RBMS3: variants seen among roughly 807,000 people sequenced by gnomAD.
RBMS3 encodes RNA-binding motif, single-stranded-interacting protein 3.
Under a neutral mutation model 66.8 loss-of-function variants are expected in RBMS3, and 27 were observed. The observed-to-expected ratio is 0.40, with a 90% CI of 0.30 to 0.56. The LOEUF (loss-of-function observed/expected upper bound fraction) is 0.56. Ranked by LOEUF, RBMS3 falls within the 20% of genes least tolerant of loss-of-function variation. The pLI is 0.40. For synonymous variants in RBMS3, 188 were observed against 183.0 expected (o/e 1.03, Z -0.22); for missense variants, 513 against 549.5 (o/e 0.93, Z 0.66).
intron 10 of RBMS3, among the ~76,000 whole-genome samples, chr3:29,907,275 T>C (rs1242960907): frequency 6.6e-6 from 1 of 152,138 alleles, no homozygotes; most frequent in Non-Finnish European, 1.5e-5. Flanking sequence ...CAATCGAATA[T>C]TTAATTCATT....
chr3:29,950,571 G>A (rs956694337), intron 12 of RBMS3, among the ~76,000 whole-genome samples: 4 of 151,804 alleles, frequency 2.6e-5, no homozygotes, highest in African/African-American at 9.7e-5. Context: ...CTTGCCAGAG[G>A]CATGCGAGAG....
At chr3:29,990,524 T>C (rs1698783568) in intron 13 of RBMS3, among the ~76,000 whole-genome samples, 1 of 151,554 alleles carries the variant, frequency 6.6e-6, no homozygotes, top group African/African-American at 2.4e-5. Flanking sequence ...GGACAAGTTT[T>C]GTTGTTGTTT....
chr3:29,475,018 G>T (rs1481632690), intron 2 of RBMS3, among the ~76,000 whole-genome samples: 2 of 152,128 alleles, frequency 1.3e-5, no homozygotes, highest in Admixed American at 6.5e-5. Flanking sequence ...AAGGGCTAAA[G>T]AATTATTAAA....
At chr3:29,352,276 C>T (rs1415940069) in intron 1 of RBMS3, among the ~76,000 whole-genome samples, 1 of 152,012 alleles carries the variant, frequency 6.6e-6, no homozygotes, top group Non-Finnish European at 1.5e-5. Flanking sequence ...TTTGGGCCTA[C>T]ATTTTACTTA....
At chr3:29,476,816 G>C (rs1021438651) in intron 2 of RBMS3, among the ~76,000 whole-genome samples, 1 of 151,824 alleles carries the variant, frequency 6.6e-6, no homozygotes, top group Non-Finnish European at 1.5e-5. Context: ...TGTGTATTTT[G>C]CCTTTTGTGG....
intron 4 of RBMS3, among the ~76,000 whole-genome samples, chr3:29,617,243 G>A (rs2048704238): frequency 6.6e-6 from 1 of 152,198 alleles, no homozygotes; most frequent in Admixed American, 6.5e-5. Context: ...CAAAACTAAG[G>A]TTGCTGAACT....
In RBMS3 at chr3:29,823,496, A is replaced by T. The variant is rs796202474; in HGVS notation, c.638-45362A>T. Among the ~76,000 whole-genome samples the T allele has an allele frequency of 5.9e-5, 9 of 152,276 alleles. 1 individual carries two copies. The highest frequency in any genetic ancestry group is 1.7e-4 in the African/African-American group (7 of 41,564). ...TTTAGGTCATTTCTAACATTCGTCC[A>T]TTACTAACAATGCTACTATAAAACA... On this transcript the variant is annotated intron_variant, in intron 6 of 14. Transcript: ENST00000383767.
chr3:29,995,601 G>C (rs1254482201), intron 14 of RBMS3, among the ~76,000 whole-genome samples: 4 of 150,758 alleles, frequency 2.7e-5, no homozygotes, highest in Non-Finnish European at 5.9e-5. Flanking sequence ...GAAGAGAGTG[G>C]GGGCCAATAT....
Position 29,450,933 on chromosome 3 carries a change from CCCCCA to C in RBMS3, c.248+16020_248+16024del, listed in dbSNP as rs2041997157. On this transcript the variant is annotated intron_variant, in intron 2 of 14. Transcript: ENST00000383767. ...CACACACACACACACACACACACAC[CCCCCA>C]CACACACACATGGTGTCTATATGCT... Among the ~76,000 whole-genome samples, 222 of 104,284 alleles carry C rather than the reference CCCCCA, an allele frequency of 2.1e-3. 1 individual carries two copies. The highest frequency in any genetic ancestry group is 7.5e-3 in the African/African-American group (215 of 28,684). 68.4% of individuals were successfully genotyped at this position (104,284 alleles called of 152,430 possible). A position where few individuals can be genotyped will look rare whatever the true frequency, so the allele number is the denominator to read the frequency against.
intron 3 of RBMS3, among the ~76,000 whole-genome samples, chr3:29,541,269 A>G (rs1368990086): frequency 6.9e-6 from 1 of 145,026 alleles, no homozygotes; most frequent in Admixed American, 6.9e-5. Context: ...CCAGTTAGCA[A>G]TTCCACTTAG....
intron 2 of RBMS3, among the ~76,000 whole-genome samples, chr3:29,465,830 A>G (rs756616138): frequency 1.3e-5 from 2 of 152,148 alleles, no homozygotes; most frequent in Non-Finnish European, 2.9e-5. Context: ...GGGATCTTAC[A>G]GATGTGCTTT....
intron 4 of RBMS3, among the ~76,000 whole-genome samples, chr3:29,687,096 T>A (rs902539556): frequency 6.6e-6 from 1 of 152,202 alleles, no homozygotes; most frequent in African/African-American, 2.4e-5. Flanking sequence ...TTTCTTTATG[T>A]GTGGTTTCTT....
At chr3:29,501,386 A>G (rs2043966280) in intron 3 of RBMS3, among the ~76,000 whole-genome samples, 1 of 152,182 alleles carries the variant, frequency 6.6e-6, no homozygotes, top group Admixed American at 6.6e-5. Flanking sequence ...ACTGTTGCAG[A>G]CATTTTAAAA....
intron 1 of RBMS3, among the ~76,000 whole-genome samples, chr3:29,359,837 G>A (rs1432131190): frequency 6.6e-5 from 10 of 152,166 alleles, no homozygotes; most frequent in Admixed American, 6.5e-4. Context: ...TTTGCGTAGA[G>A]GTGTTTATAG....
At chr3:29,583,040 G>A (rs1559487037) in intron 3 of RBMS3, among the ~76,000 whole-genome samples, 1 of 152,002 alleles carries the variant, frequency 6.6e-6, no homozygotes, top group Non-Finnish European at 1.5e-5. Flanking sequence ...CCCTTGGCTT[G>A]GAACCATCAA....
At chr3:29,990,467 A>C (rs1272643162) in intron 13 of RBMS3, among the ~76,000 whole-genome samples, 4 of 97,072 alleles carry the variant, frequency 4.1e-5, no homozygotes, top group Non-Finnish European at 4.3e-5. Context: ...AAACAAAAAA[A>C]AAAAAAAAAA....
intron 4 of RBMS3, among the ~76,000 whole-genome samples, chr3:29,593,252 A>G (rs925215216): frequency 2.6e-5 from 4 of 152,190 alleles, no homozygotes; most frequent in African/African-American, 9.7e-5. Context: ...TTGTCTACCA[A>G]AGCTACTCTT....
intron 4 of RBMS3, among the ~76,000 whole-genome samples, chr3:29,695,827 T>C (rs927643890): frequency 1.3e-5 from 2 of 152,202 alleles, no homozygotes; most frequent in African/African-American, 4.8e-5. Flanking sequence ...ATCCCAAGCT[T>C]AATTTTAGCC....
chr3:29,978,771 G>T (rs1418448711), intron 12 of RBMS3, among the ~76,000 whole-genome samples: 1 of 151,962 alleles, frequency 6.6e-6, no homozygotes, highest in Non-Finnish European at 1.5e-5. Context: ...ATGATCAGAA[G>T]GAAGATCTTA....
Sources: gnomAD v4.1 joint callset for allele counts (sites outside exome capture counted in the v4.1 genomes callset) on GRCh38, gnomAD v4.1.1 for gene constraint, MANE v1.5 for transcripts, NCBI Gene and HGNC (gene_info 2026-07-23, HGNC 2026-07-21) for gene names.